G2E3: variants seen among roughly 807,000 people sequenced by gnomAD.
G2E3 encodes G2/M phase-specific E3 ubiquitin-protein ligase.
G2E3 carries 35 observed loss-of-function variants against 92.8 expected under a neutral mutation model. The observed-to-expected ratio is 0.38, with a 90% CI of 0.29 to 0.50. The LOEUF (loss-of-function observed/expected upper bound fraction) is 0.50, where lower values mean the gene tolerates loss of function less well. Among genes scored for constraint, G2E3 ranks in the 20% least tolerant of loss-of-function variants. G2E3 has a pLI of 0.94. For missense variants in G2E3, 554 were observed against 823.8 expected (o/e 0.67, Z 4.01); for synonymous variants, 242 against 272.4 (o/e 0.89, Z 1.10).
At chr14:30,598,645 C>T (rs755243992) in intron 8 of G2E3, 46 bp downstream of exon 8, 1 of 1,164,232 alleles carries the variant, frequency 8.6e-7, no homozygotes, top group Non-Finnish European at 1.3e-6. Context: ...TTGTTTAAAC[C>T]TTCTGCTGAG....
chr14:30,566,622 A>G (rs1879453848), intron 1 of G2E3, among the ~76,000 whole-genome samples: 1 of 152,184 alleles, frequency 6.6e-6, no homozygotes, highest in Non-Finnish European at 1.5e-5. Context: ...TAGCTCTAAC[A>G]GTTTTTTGTG....
intron 1 of G2E3, among the ~76,000 whole-genome samples, chr14:30,568,774 G>A (rs1879587016): frequency 6.6e-6 from 1 of 152,018 alleles, no homozygotes; most frequent in South Asian, 2.1e-4. Flanking sequence ...CAATAACATT[G>A]ATTTATATTT....
chr14:30,585,151 C>T (rs918089861), intron 2 of G2E3, among the ~76,000 whole-genome samples: 1 of 152,012 alleles, frequency 6.6e-6, no homozygotes, highest in Non-Finnish European at 1.5e-5. Context: ...TCCTTTGAGT[C>T]ACAAAAGTTT....
At chr14:30,567,285 C>G (rs72666416) in intron 1 of G2E3, among the ~76,000 whole-genome samples, 19,605 of 151,990 alleles carry the variant, frequency 0.13, 1,546 homozygotes, top group South Asian at 0.18. Flanking sequence ...CACCAGTGAA[C>G]CCATCTGGGC....
Position 30,563,738 on chromosome 14 carries a change from T to TGTGA in G2E3, c.-5+4467_-5+4468insTGAG, listed in dbSNP as rs566217168. ...GTGTGTGTGTGTGTGTGTGTGTGTGTGATATAGAGTCTCACTCTGTTGCCC... is the reference window on the plus strand; with the variant it reads ...GTGTGTGTGTGTGTGTGTGTGTGTGTGTGAGATATAGAGTCTCACTCTGTTGCCC... On this transcript the variant is annotated intron_variant, in intron 1 of 14. Coordinates refer to ENST00000206595, the MANE Select transcript of G2E3 (RefSeq NM_017769.5). Among the ~76,000 whole-genome samples, 1,076 of 141,526 alleles carry TGTGA rather than the reference T, an allele frequency of 7.6e-3. 12 individuals are homozygous for TGTGA. Among genetic ancestry groups the TGTGA allele is most frequent in the African/African-American group, 0.026 (1,019 of 38,508 alleles). 92.8% of individuals were successfully genotyped at this position (141,526 alleles called of 152,430 possible). A position where few individuals can be genotyped will look rare whatever the true frequency, so the allele number is the denominator to read the frequency against.
rs1881907121 is a variant in G2E3 at position 30,607,912 on chromosome 14, A to G, written c.1343A>G (p.Glu448Gly). The G allele has an allele frequency of 6.2e-7, 1 of 1,604,308 alleles. No homozygotes were observed. Among genetic ancestry groups the G allele is most frequent in the African/African-American group, 1.3e-5 (1 of 74,434 alleles). Residue 448 changes from glutamate to glycine, a missense_variant, in exon 12 of 15, where the codon GAA becomes GGA. Glu to Gly is a moderately conservative substitution (Grantham distance 98, BLOSUM62 -2). Transcript: ENST00000206595. ...GCTCTGAAAGAGAATCTTTACTATG[A>G]AGCTGGCAAAATGCTTGCCATTTCT... ...SQALKENLYY[E>G]AGKMLAISLV...
intron 7 of G2E3, among the ~76,000 whole-genome samples, chr14:30,597,919 GA>G (rs1161456600): frequency 1.3e-5 from 2 of 152,012 alleles, no homozygotes; most frequent in African/African-American, 4.8e-5. Context: ...AATCGAAAGT[GA>G]AATATTTGGA....
At chr14:30,616,123 C>A (rs1389436253) in intron 14 of G2E3, among the ~76,000 whole-genome samples, 155 bp from the exon 15 acceptor site, 4 of 152,132 alleles carry the variant, frequency 2.6e-5, no homozygotes, top group African/African-American at 9.7e-5. Context: ...CCTGTTACTA[C>A]ATCTGACTTT....
intron 8 of G2E3, 60 bp from the exon 9 acceptor site, chr14:30,601,710 C>T (rs1380036872): frequency 1.3e-6 from 2 of 1,565,842 alleles, no homozygotes; most frequent in Admixed American, 1.7e-5. Context: ...GTGGACATTG[C>T]TAGTGGTTGA....
chr14:30,563,101 G>A (rs991097565), intron 1 of G2E3, among the ~76,000 whole-genome samples: 15 of 147,914 alleles, frequency 1.0e-4, no homozygotes, highest in African/African-American at 2.5e-4. Flanking sequence ...TCTCGTCTCC[G>A]CACACGGGGA....
rs2138930658 is a variant in G2E3 at position 30,618,290 on chromosome 14, G to A, written c.*1756G>A. On this transcript the variant is annotated 3_prime_UTR_variant, in exon 15 of 15. Transcript: ENST00000206595. ...TAATTGAAAGATCAATTATCAAAGAGTTTGAATAGCTAATATAAACCCCAA... is the reference window on the plus strand; with the variant it reads ...TAATTGAAAGATCAATTATCAAAGAATTTGAATAGCTAATATAAACCCCAA... The A allele has an allele frequency of 6.6e-6, 1 of 152,142 alleles. No individual in the cohort carries two copies. Among genetic ancestry groups the A allele is most frequent in the East Asian group, 1.9e-4 (1 of 5,186 alleles). The allele number at this position is 152,142 out of a possible 1,614,324, so 9.4% of individuals were successfully genotyped here.
intron 1 of G2E3, chr14:30,560,190 T>C (rs973996725): frequency 1.3e-5 from 2 of 152,126 alleles, no homozygotes; most frequent in Non-Finnish European, 2.9e-5. Context: ...TCATGCCTTC[T>C]GGAATGGTTT....
chr14:30,595,510 G>A (rs1005051011), intron 6 of G2E3, among the ~76,000 whole-genome samples: 2 of 152,016 alleles, frequency 1.3e-5, no homozygotes, highest in East Asian at 1.9e-4. Flanking sequence ...TAATTTTGTC[G>A]TTAAAAAAGT....
At chr14:30,598,793 A>G (rs893899215) in intron 8 of G2E3, among the ~76,000 whole-genome samples, 194 bp downstream of exon 8, 2 of 152,192 alleles carry the variant, frequency 1.3e-5, no homozygotes, top group African/African-American at 2.4e-5. Context: ...GTTGTAACCT[A>G]TTTCTCTGTT....
At chr14:30,576,212 CCA>C (rs892016646) in intron 1 of G2E3, among the ~76,000 whole-genome samples, 1 of 152,070 alleles carries the variant, frequency 6.6e-6, no homozygotes, top group Non-Finnish European at 1.5e-5. Context: ...AGAAATGAGG[CCA>C]CACATCTACA....
At chr14:30,610,674 G>A (rs770491147) in intron 12 of G2E3, among the ~76,000 whole-genome samples, 1 of 152,152 alleles carries the variant, frequency 6.6e-6, no homozygotes, top group Non-Finnish European at 1.5e-5. Context: ...GATAAGGGTT[G>A]GAGTATATAC....
chr14:30,596,135 CGTGTGTGTGTGT>C lies in G2E3; in HGVS notation c.529-1266_529-1255del, dbSNP rs59672554. 3.1e-4 allele frequency among the ~76,000 whole-genome samples: 40 copies of C among 127,254 alleles called. No homozygotes were observed. The East Asian group carries it at 5.4e-3, about 17-fold the overall frequency. 83.5% of individuals were successfully genotyped at this position (127,254 alleles called of 152,430 possible). ...ATGGGTGGGTGGGTGGGTGGGTGTG[CGTGTGTGTGTGT>C]GTGTGTGTGTGTGTGTGTCACTTGC... is the stretch of plus-strand genomic sequence containing the variant. On this transcript the variant is annotated intron_variant, in intron 6 of 14. Transcript: ENST00000206595.
At chr14:30,561,240 C>G (rs986110926) in intron 1 of G2E3, among the ~76,000 whole-genome samples, 1 of 152,182 alleles carries the variant, frequency 6.6e-6, no homozygotes, top group Non-Finnish European at 1.5e-5. Context: ...AGAAAACAGG[C>G]TAAGAGGGGC....
At chr14:30,606,059 C>T (rs989524580) in intron 11 of G2E3, among the ~76,000 whole-genome samples, 2 of 151,880 alleles carry the variant, frequency 1.3e-5, no homozygotes, top group Non-Finnish European at 2.9e-5. Flanking sequence ...TAAAATAATC[C>T]ATAATTAAGT....
Sources: gnomAD v4.1 joint callset for allele counts (sites outside exome capture counted in the v4.1 genomes callset) on GRCh38, gnomAD v4.1.1 for gene constraint, MANE v1.5 for transcripts, NCBI Gene and HGNC (gene_info 2026-07-23, HGNC 2026-07-21) for gene names.